ARHGEF19: variants seen among roughly 807,000 people sequenced by gnomAD.
ARHGEF19 encodes the protein Rho guanine nucleotide exchange factor 19, also known as Rho guanine nucleotide exchange factor (GEF) 19.
ARHGEF19 carries 92 observed loss-of-function variants against 87.6 expected under a neutral mutation model. That is an observed-to-expected ratio of 1.05 (90% CI 0.89 to 1.25). The LOEUF (loss-of-function observed/expected upper bound fraction) is 1.25, where lower values mean the gene tolerates loss of function less well. Among genes scored for constraint, ARHGEF19 ranks in the 50% most tolerant of loss-of-function variants. ARHGEF19 has a pLI of 0.00. For missense variants in ARHGEF19, 1,054 were observed against 1,051.8 expected (o/e 1.00, Z -0.03); for synonymous variants, 438 against 446.2 (o/e 0.98, Z 0.23).
rs758107986 is a variant in ARHGEF19 at position 16,205,219 on chromosome 1, G to A, written c.1657-43C>T. 22 of 1,591,754 alleles carry A rather than the reference G, an allele frequency of 1.4e-5. No homozygotes were observed. Among genetic ancestry groups the A allele is most frequent in the East Asian group, 9.1e-5 (4 of 44,050 alleles). On this transcript the variant is annotated intron_variant, in intron 10 of 15. Coordinates refer to ENST00000270747, the MANE Select transcript of ARHGEF19 (RefSeq NM_153213.5). This position sits in a 1 kb window ranked among gnomAD's most constrained non-coding sequence, Gnocchi z 5.8. ...AGGTCACCTGCAGCCCCTCAGCTCC[G>A]GCTCCCAGAGCCCAGCCTCAGACTC...
rs781693856 is a variant in ARHGEF19, at chr1:16,206,382, T to A, written c.1138-42A>T. 1 of 1,557,990 alleles carries A rather than the reference T, an allele frequency of 6.4e-7. No individual in the cohort carries two copies. The highest frequency in any genetic ancestry group is 1.2e-5 in the South Asian group (1 of 84,368). ...ACGGGGTCGAAAGGGCAGGACCAGT[T>A]CACCTCGGAGGCCCTGGCCTCACAT... On this transcript the variant is annotated intron_variant, in intron 6 of 15. Coordinates refer to ENST00000270747, the MANE Select transcript of ARHGEF19 (RefSeq NM_153213.5). The surrounding 1 kb of genome is among the most constrained non-coding windows in gnomAD (Gnocchi z 4.6).
At chr1:16,204,467 G>A (rs2100272003) in intron 12 of ARHGEF19, among the ~76,000 whole-genome samples, 1 of 152,354 alleles carries the variant, frequency 6.6e-6, no homozygotes, top group South Asian at 2.1e-4. Flanking sequence ...TCAGGGCAGA[G>A]TTGGGACTCT....
At position 16,199,145 on chromosome 1, in the gene ARHGEF19, C is replaced by CTCACCG; in HGVS notation, c.2250_2251+4dup. 6.2e-7 allele frequency: 1 copy of CTCACCG among 1,614,014 alleles called. No individual in the cohort carries two copies. The highest frequency in any genetic ancestry group is 8.5e-7 in the Non-Finnish European group (1 of 1,179,912). On this transcript the variant is annotated splice_donor_region_variant and intron_variant, in intron 15 of 15. Coordinates refer to ENST00000270747, the MANE Select transcript of ARHGEF19 (RefSeq NM_153213.5). ...CAGGGACACTTTCCCAGGAGGCCCC[C>CTCACCG]TCACCGTCACTGGTCCAGGTCCTCA...
At position 16,207,807 on chromosome 1, in the gene ARHGEF19, G is replaced by T. The variant is rs2100286655; in HGVS notation, c.695-30C>A. Reference sequence around the variant, plus strand: ...AGAGGGCGAGAACTGAGGGTGGGGGGTCCAGAGAGTGGGCCTGGGGCCTGG... The same window carrying T: ...AGAGGGCGAGAACTGAGGGTGGGGGTTCCAGAGAGTGGGCCTGGGGCCTGG... On this transcript the variant is annotated intron_variant, in intron 3 of 15. Transcript: ENST00000270747. This position sits in a 1 kb window ranked among gnomAD's most constrained non-coding sequence, Gnocchi z 4.0. 3.7e-6 allele frequency: 6 copies of T among 1,611,038 alleles called. No individual in the cohort carries two copies. The highest frequency in any genetic ancestry group is 2.2e-5 in the East Asian group (1 of 44,850).
chr1:16,210,231 C>T (rs2081186619), intron 1 of ARHGEF19, among the ~76,000 whole-genome samples: 1 of 152,168 alleles, frequency 6.6e-6, no homozygotes, highest in South Asian at 2.1e-4. Flanking sequence ...AGATCCCACC[C>T]AGACAAAGAG....
In ARHGEF19 at chr1:16,207,912, C is replaced by A. The variant is rs371737998; in HGVS notation, c.694+32G>T. 3 of 1,286,508 alleles carry A rather than the reference C, an allele frequency of 2.3e-6. No homozygotes were observed. In the African/African-American group the frequency reaches 4.5e-5, roughly 19 times the overall value. 79.7% of individuals were successfully genotyped at this position (1,286,508 alleles called of 1,614,324 possible). On this transcript the variant is annotated intron_variant, in intron 3 of 15. Transcript: ENST00000270747. This position sits in a 1 kb window ranked among gnomAD's most constrained non-coding sequence, Gnocchi z 4.0. ...ACCCCCACCCCCACCCGGCATCTGG[C>A]TGCCCTCAGGGCCCATGGGAGGAGC...
In ARHGEF19 at chr1:16,205,713, C is replaced by T; in HGVS notation, c.1452-46G>A. The stretch of plus-strand genomic sequence containing the variant: ...TGGAATCACAGGTAGGCCTGAATTC[C>T]TGGGATCCACAACCCTGGCCATCCA... On this transcript the variant is annotated intron_variant, in intron 8 of 15. Transcript: ENST00000270747. The surrounding 1 kb of genome is among the most constrained non-coding windows in gnomAD (Gnocchi z 5.8). 1 of 1,563,190 alleles carries T rather than the reference C, an allele frequency of 6.4e-7. No individual in the cohort carries two copies. Among genetic ancestry groups the T allele is most frequent in the Admixed American group, 2.0e-5 (1 of 49,452 alleles).
intron 1 of ARHGEF19, 65 bp from the exon 2 acceptor site, chr1:16,209,148 CT>C (rs1245267849): frequency 1.6e-6 from 2 of 1,272,944 alleles, no homozygotes; most frequent in Non-Finnish European, 2.0e-6. Context: ...GCCACCACCC[CT>C]GGAGGCCTGG....
At chr1:16,209,963 C>G (rs1438847406) in intron 1 of ARHGEF19, among the ~76,000 whole-genome samples, 1 of 152,346 alleles carries the variant, frequency 6.6e-6, no homozygotes, top group South Asian at 2.1e-4. Context: ...AGGGGCTGTC[C>G]CCCACCCCAG....
At position 16,208,781 on chromosome 1, in the gene ARHGEF19, C is replaced by T. The variant is rs757290370; in HGVS notation, c.274G>A (p.Gly92Arg). 3.8e-5 allele frequency: 61 copies of T among 1,613,416 alleles called. No homozygotes were observed. The highest frequency in any genetic ancestry group is 1.7e-4 in the Middle Eastern group (1 of 6,054). The change falls in exon 2 of 16, where the codon GGG becomes AGG. Residue 92 changes from glycine to arginine, a missense_variant. Gly to Arg is a moderately radical substitution (Grantham distance 125). Coordinates refer to ENST00000270747, the MANE Select transcript of ARHGEF19 (RefSeq NM_153213.5). ...PGGSDTEITSGGMRPSRAGSW... is the reference protein window; with the variant it reads ...PGGSDTEITSRGMRPSRAGSW... ...CCAGCCCTGCTGGGCCGCATCCCCC[C>T]GCTGGTGATCTCTGTATCTGAGCCT...
At position 16,205,918 on chromosome 1, in the gene ARHGEF19, C is replaced by G. The variant is rs770500660; in HGVS notation, c.1451+13G>C. On this transcript the variant is annotated intron_variant, in intron 8 of 15. Coordinates refer to ENST00000270747, the MANE Select transcript of ARHGEF19 (RefSeq NM_153213.5). The surrounding 1 kb of genome is among the most constrained non-coding windows in gnomAD (Gnocchi z 5.8). ...CTCCACGCCCCCGCCCCTTTCAGAGCCCCCAGCCCTACAGCAGGCGCTGGT... is the reference window on the plus strand; with the variant it reads ...CTCCACGCCCCCGCCCCTTTCAGAGGCCCCAGCCCTACAGCAGGCGCTGGT... 1.2e-5 allele frequency: 19 copies of G among 1,597,698 alleles called. No homozygotes were observed. The South Asian group carries it at 2.1e-4, about 18-fold the overall frequency.
rs1410712132 is a variant in ARHGEF19 at position 16,202,523 on chromosome 1, C to T, written c.1959G>A (p.Val653=). 1 of 1,614,206 alleles carries T rather than the reference C, an allele frequency of 6.2e-7. No homozygotes were observed. The highest frequency in any genetic ancestry group is 1.7e-5 in the Admixed American group (1 of 60,032). The change falls in exon 13 of 16, where the codon GTG becomes GTA. Residue 653 remains valine (V), a synonymous_variant. Coordinates refer to ENST00000270747, the MANE Select transcript of ARHGEF19 (RefSeq NM_153213.5). The part of the protein sequence containing the change: ...FVHAKMAELQ[V]RDLSLKLQGI... ...CCTGCAGCTTCAGGCTCAGGTCCCG[C>T]ACCTGCAGCTCAGCCATCTTGGCAT...
Position 16,206,910 on chromosome 1 carries a change from G to A in ARHGEF19, c.1137+38C>T. The A allele has an allele frequency of 7.1e-7, 1 of 1,417,648 alleles. No homozygotes were observed. The highest frequency in any genetic ancestry group is 3.0e-5 in the East Asian group (1 of 33,692). The allele number at this position is 1,417,648 out of a possible 1,614,324, so 87.8% of individuals were successfully genotyped here. On this transcript the variant is annotated intron_variant, in intron 6 of 15. Coordinates refer to ENST00000270747, the MANE Select transcript of ARHGEF19 (RefSeq NM_153213.5). The surrounding 1 kb of genome is among the most constrained non-coding windows in gnomAD (Gnocchi z 4.6). The stretch of plus-strand genomic sequence containing the variant: ...AAGTCCCCGGACCGCGTACTCCCCG[G>A]CCCGCCCCCGCCCCGCCGGGTCCCC...
chr1:16,208,530 C>T (rs942235456), intron 2 of ARHGEF19, 113 bp downstream of exon 2: 2 of 1,360,654 alleles, frequency 1.5e-6, no homozygotes, highest in South Asian at 3.0e-5. Context: ...ACTAATCTAC[C>T]ACTTGTCCTG....
In ARHGEF19 at chr1:16,207,132, C is replaced by G. The variant is rs906951870; in HGVS notation, c.953G>C (p.Gly318Ala). 2.0e-6 allele frequency: 3 copies of G among 1,526,124 alleles called. No individual in the cohort carries two copies. The highest frequency in any genetic ancestry group is 2.0e-5 in the Admixed American group (1 of 48,866). 94.5% of individuals were successfully genotyped at this position (1,526,124 alleles called of 1,614,324 possible). The change falls in exon 6 of 16, where the codon GGG (glycine) becomes GCG (alanine). Residue 318 changes from glycine to alanine, a missense_variant. Physicochemically the swap from Gly to Ala is moderately conservative, Grantham distance 60 (BLOSUM62 0). Transcript: ENST00000270747. The surrounding 1 kb of genome is among the most constrained non-coding windows in gnomAD (Gnocchi z 4.0). Reference sequence around the variant, plus strand: ...CTCCTCTGCGCCCTCGGCCTCGTCCCCCGGGCCCTCCTCCTCGCGCTGCTG... The same window carrying G: ...CTCCTCTGCGCCCTCGGCCTCGTCCGCCGGGCCCTCCTCCTCGCGCTGCTG... ...RRQQREEEGP[G>A]DEAEGAEEGP...
rs1008529937 is a variant in ARHGEF19, at chr1:16,205,305, A to T, written c.1656+46T>A. 8.7e-6 allele frequency: 14 copies of T among 1,611,846 alleles called. No individual in the cohort carries two copies. The highest frequency in any genetic ancestry group is 3.3e-5 in the Admixed American group (2 of 59,914). On this transcript the variant is annotated intron_variant, in intron 10 of 15. Transcript: ENST00000270747. The surrounding 1 kb of genome is among the most constrained non-coding windows in gnomAD (Gnocchi z 5.8). ...TGTTTTAGAGACGTGCTGGGGGTCC[A>T]GGGGGGGCCTCAGGAGCCAAGCAGC...
rs1380541745 is a variant in ARHGEF19, at chr1:16,202,459, C to T, written c.2023G>A (p.Gly675Arg). ...GHVFLLQLLH[G>R]QHMKHQFLLR... Reference sequence around the variant, plus strand: ...AGGAACTGGTGCTTCATGTGCTGCCCGTGGAGGAGCTGGAGGAGGAACACG... The same window carrying T: ...AGGAACTGGTGCTTCATGTGCTGCCTGTGGAGGAGCTGGAGGAGGAACACG... The change falls in exon 13 of 16, where the codon GGG (glycine) becomes AGG (arginine). Residue 675 changes from glycine (G) to arginine (R), a missense_variant. Gly to Arg is a moderately radical substitution (Grantham distance 125). Transcript: ENST00000270747. 20 of 1,613,990 alleles carry T rather than the reference C, an allele frequency of 1.2e-5. No individual in the cohort carries two copies. The highest frequency in any genetic ancestry group is 6.7e-5 in the Admixed American group (4 of 59,998).
In ARHGEF19 at chr1:16,208,773, C is replaced by A; in HGVS notation, c.282G>T (p.Met94Ile). The A allele has an allele frequency of 6.2e-7, 1 of 1,613,204 alleles. No homozygotes were observed. Among genetic ancestry groups the A allele is most frequent in the East Asian group, 2.2e-5 (1 of 44,870 alleles). ...GCCAGCTGCCAGCCCTGCTGGGCCG[C>A]ATCCCCCCGCTGGTGATCTCTGTAT... ...GSDTEITSGG[M>I]RPSRAGSWPH... is the part of the protein sequence containing the mutation. The change falls in exon 2 of 16, where the codon ATG (methionine) becomes ATT (isoleucine). Residue 94 changes from methionine to isoleucine, a missense_variant. Transcript: ENST00000270747.
rs1296259927 is a variant in ARHGEF19, at chr1:16,206,500, C to A, written c.1138-160G>T. On this transcript the variant is annotated intron_variant, in intron 6 of 15. Transcript: ENST00000270747. The surrounding 1 kb of genome is among the most constrained non-coding windows in gnomAD (Gnocchi z 4.6). ...CGGGCGGGCCCGGCGACCCACGTCCCGCCGCGGGAAATTGTGCAAGCCTTT... is the reference window on the plus strand; with the variant it reads ...CGGGCGGGCCCGGCGACCCACGTCCAGCCGCGGGAAATTGTGCAAGCCTTT... 2 of 746,162 alleles carry A rather than the reference C, an allele frequency of 2.7e-6. No homozygotes were observed. Among genetic ancestry groups the A allele is most frequent in the East Asian group, 5.5e-5 (2 of 36,696 alleles). 46.2% of individuals were successfully genotyped at this position (746,162 alleles called of 1,614,324 possible). A position where few individuals can be genotyped will look rare whatever the true frequency, so the allele number is the denominator to read the frequency against.
Sources: allele counts gnomAD v4.1 joint callset (sites outside exome capture counted in the v4.1 genomes callset), GRCh38; gene constraint gnomAD v4.1.1; non-coding constraint Gnocchi (gnomAD v3.1); transcripts MANE v1.5; gene names NCBI Gene and HGNC (gene_info 2026-07-23, HGNC 2026-07-21).